GCAT: variants seen among roughly 807,000 people sequenced by gnomAD.
GCAT encodes 2-amino-3-ketobutyrate coenzyme A ligase, mitochondrial.
Under a neutral mutation model 39.7 loss-of-function variants are expected in GCAT, and 26 were observed. The observed-to-expected ratio is 0.65, with a 90% confidence interval of 0.48 to 0.91. GCAT has a LOEUF of 0.91. GCAT is among the 40% of genes least tolerant of loss of function. The pLI is 0.00. For missense variants in GCAT, 550 were observed against 576.2 expected, an observed-to-expected ratio of 0.95 and a Z score of 0.47; for synonymous variants, 218 against 237.2, an observed-to-expected ratio of 0.92 and a Z score of 0.74.
chr22:37,809,861 A>G, intron 1 of GCAT, 166 bp from the exon 2 acceptor site: 1 of 822,878 alleles, frequency 1.2e-6, no homozygotes, highest in Non-Finnish European at 2.0e-6. Context: ...CAAGATGTGT[A>G]GCACTGACGC....
At position 37,813,644 on chromosome 22, in the gene GCAT, C is replaced by T. The variant is rs142010059; in HGVS notation, c.576+35C>T. 3.5e-4 allele frequency: 546 copies of T among 1,559,706 alleles called. 1 individual carries two copies. The African/African-American group carries it at 6.7e-3, about 19-fold the overall frequency. ...CGCCTGGGTCCACCCTCAGCCTCCGCCTGGGGAAGGAAGTGAGGCTTAGAG... is the reference window on the plus strand; with the variant it reads ...CGCCTGGGTCCACCCTCAGCCTCCGTCTGGGGAAGGAAGTGAGGCTTAGAG... On this transcript the variant is annotated intron_variant, in intron 4 of 8. Coordinates refer to ENST00000248924, the MANE Select transcript of GCAT (RefSeq NM_014291.4).
rs1394976846 is a variant in GCAT, at chr22:37,815,206, C to T, written c.657C>T (p.Cys219=). ...TCGCACCCCTGCAGGAGATCTGCTG[C>T]CTCGCCTCTAGATATGGTGCCCTGG... ...GDIAPLQEIC[C]LASRYGALVF... Residue 219 remains cysteine (C), a synonymous_variant, in exon 5 of 9, where the codon TGC becomes TGT. Coordinates refer to ENST00000248924, the MANE Select transcript of GCAT (RefSeq NM_014291.4). 2 of 1,613,964 alleles carry T rather than the reference C, an allele frequency of 1.2e-6. No individual in the cohort carries two copies. Among genetic ancestry groups the T allele is most frequent in the South Asian group, 1.1e-5 (1 of 91,076 alleles).
chr22:37,810,731 G>T (rs1239811672), intron 2 of GCAT, among the ~76,000 whole-genome samples: 1 of 151,946 alleles, frequency 6.6e-6, no homozygotes, highest in Non-Finnish European at 1.5e-5. Flanking sequence ...TAGCCAGGAT[G>T]GTCTCGATCT....
chr22:37,812,833 C>T, intron 2 of GCAT, 54 bp from the exon 3 acceptor site: 1 of 1,252,200 alleles, frequency 8.0e-7, no homozygotes, highest in South Asian at 1.2e-5. Context: ...TCCCCTCGAA[C>T]TTGTCCCACA....
At position 37,816,555 on chromosome 22, in the gene GCAT, C is replaced by G. The variant is rs757852364; in HGVS notation, c.1109-12C>G. 6.9e-5 allele frequency: 111 copies of G among 1,614,104 alleles called. No individual in the cohort carries two copies. Among genetic ancestry groups the G allele is most frequent in the Non-Finnish European group, 9.2e-5 (109 of 1,179,956 alleles). On this transcript the variant is annotated splice_polypyrimidine_tract_variant and intron_variant, in intron 8 of 8. Coordinates refer to ENST00000248924, the MANE Select transcript of GCAT (RefSeq NM_014291.4). ...GTTGGTTCTGGCACGCCCTTGCTTT[C>G]TACCCTCCCAGGCATCTTTGTCATC...
In GCAT at chr22:37,808,001, T is replaced by C. The variant is rs1333432784; in HGVS notation, c.34T>C (p.Phe12Leu). The C allele has an allele frequency of 1.9e-6, 3 of 1,543,342 alleles. No individual in the cohort carries two copies. The highest frequency in any genetic ancestry group is 3.9e-5 in the Admixed American group (2 of 50,744). ...WPGNAWRAALFWVPRGRRAQS... is the reference protein window; with the variant it reads ...WPGNAWRAALLWVPRGRRAQS... The stretch of plus-strand genomic sequence containing the variant: ...TGGGAACGCCTGGCGCGCCGCACTC[T>C]TCTGGGTGCCCCGCGGCCGCCGCGC... The change falls in exon 1 of 9, where the codon TTC (phenylalanine) becomes CTC (leucine). Residue 12 changes from phenylalanine (F) to leucine (L), a missense_variant. Coordinates refer to ENST00000248924, the MANE Select transcript of GCAT (RefSeq NM_014291.4).
intron 1 of GCAT, among the ~76,000 whole-genome samples, chr22:37,809,713 C>T (rs577946993): frequency 1.3e-5 from 2 of 151,986 alleles, no homozygotes; most frequent in South Asian, 4.2e-4. Flanking sequence ...CCCAGCTACT[C>T]AGGAGGTTAA....
intron 1 of GCAT, 89 bp downstream of exon 1, chr22:37,808,252 C>A: frequency 8.6e-6 from 9 of 1,043,670 alleles, no homozygotes; most frequent in Non-Finnish European, 1.2e-5. Flanking sequence ...GCGGCTCCTA[C>A]ACTCTTAGCT....
chr22:37,815,351 C>G, intron 5 of GCAT, 67 bp from the exon 6 acceptor site: 2 of 1,596,604 alleles, frequency 1.3e-6, no homozygotes, highest in Non-Finnish European at 8.6e-7. Context: ...GAGGCCAGTC[C>G]CCAGCATGAT....
intron 1 of GCAT, among the ~76,000 whole-genome samples, chr22:37,809,058 T>C (rs1380435682): frequency 2.0e-5 from 3 of 152,204 alleles, no homozygotes; most frequent in African/African-American, 7.2e-5. Flanking sequence ...GTGGTAATCA[T>C]CAACAAGCTC....
intron 2 of GCAT, among the ~76,000 whole-genome samples, chr22:37,812,108 A>C (rs994565628): frequency 1.3e-5 from 2 of 151,538 alleles, no homozygotes; most frequent in African/African-American, 2.4e-5. Context: ...AAGCAGAAGG[A>C]TCACTTGATG....
chr22:37,812,529 C>T (rs980903969), intron 2 of GCAT, among the ~76,000 whole-genome samples: 2 of 152,270 alleles, frequency 1.3e-5, no homozygotes, highest in African/African-American at 4.8e-5. Context: ...CCAGGTGAAC[C>T]CAGAATTACC....
In GCAT at chr22:37,807,999, T is replaced by A; in HGVS notation, c.32T>A (p.Leu11His). MWPGNAWRAA[L>H]FWVPRGRRAQ... ...CCTGGGAACGCCTGGCGCGCCGCAC[T>A]CTTCTGGGTGCCCCGCGGCCGCCGC... The change falls in exon 1 of 9, where the codon CTC (leucine) becomes CAC (histidine). Residue 11 changes from leucine to histidine, a missense_variant. Physicochemically the swap from Leu to His is moderately conservative, Grantham distance 99. Coordinates refer to ENST00000248924, the MANE Select transcript of GCAT (RefSeq NM_014291.4). 1 of 1,540,908 alleles carries A rather than the reference T, an allele frequency of 6.5e-7. No homozygotes were observed. Among genetic ancestry groups the A allele is most frequent in the Non-Finnish European group, 8.7e-7 (1 of 1,144,592 alleles).
chr22:37,811,240 T>G (rs865998489), intron 2 of GCAT, among the ~76,000 whole-genome samples: 1 of 152,078 alleles, frequency 6.6e-6, no homozygotes, highest in African/African-American at 2.4e-5. Context: ...CCCAGCACTT[T>G]GGGAGGCTGA....
chr22:37,814,196 A>G (rs983736890), intron 4 of GCAT, among the ~76,000 whole-genome samples: 4 of 151,964 alleles, frequency 2.6e-5, no homozygotes, highest in Non-Finnish European at 5.9e-5. Context: ...AATCTTCTGG[A>G]CTCGAGCGAT....
At chr22:37,811,136 G>T (rs1339650024) in intron 2 of GCAT, among the ~76,000 whole-genome samples, 1 of 152,122 alleles carries the variant, frequency 6.6e-6, no homozygotes, top group African/African-American at 2.4e-5. Flanking sequence ...TAGGGAAAAT[G>T]AAGATAATAG....
intron 7 of GCAT, 118 bp downstream of exon 7, chr22:37,815,952 C>T: frequency 8.5e-7 from 1 of 1,176,492 alleles, no homozygotes; most frequent in South Asian, 1.4e-5. Context: ...TGCCTGTTCC[C>T]CTCCCTTCTC....
At chr22:37,813,184 C>G in intron 3 of GCAT, 196 bp downstream of exon 3, 1 of 637,318 alleles carries the variant, frequency 1.6e-6, no homozygotes, top group Non-Finnish European at 2.8e-6. Context: ...GCCTGAGTTC[C>G]AGAGCCTTTG....
intron 1 of GCAT, among the ~76,000 whole-genome samples, chr22:37,808,482 G>A (rs1921220325): frequency 6.6e-6 from 1 of 152,216 alleles, no homozygotes; most frequent in South Asian, 2.1e-4. Flanking sequence ...AAACGAAGAG[G>A]CTGAAATCCA....
Sources: gnomAD v4.1 joint callset for allele counts (sites outside exome capture counted in the v4.1 genomes callset) on GRCh38, gnomAD v4.1.1 for gene constraint, MANE v1.5 for transcripts, NCBI Gene and HGNC (gene_info 2026-07-23, HGNC 2026-07-21) for gene names.